MDFIC: variants seen among roughly 807,000 people sequenced by gnomAD.
MDFIC encodes myoD family inhibitor domain-containing protein.
A neutral mutation model predicts 23.2 loss-of-function variants in MDFIC; 17 were observed. That is an observed-to-expected ratio of 0.73 (90% confidence interval 0.50 to 1.10). The LOEUF (loss-of-function observed/expected upper bound fraction) is 1.10. MDFIC is among the 50% of genes least tolerant of loss of function. The pLI is 0.00. For synonymous variants in MDFIC, 120 were observed against 115.2 expected, an observed-to-expected ratio of 1.04 and a Z score of -0.27; for missense variants, 356 against 316.6, an observed-to-expected ratio of 1.12 and a Z score of -0.95.
At chr7:114,984,351 T>C (rs913779295) in intron 4 of MDFIC, among the ~76,000 whole-genome samples, 15 of 152,100 alleles carry the variant, frequency 9.9e-5, no homozygotes, top group Admixed American at 3.3e-4. Flanking sequence ...TGTACAGTGG[T>C]GCCCAACATA....
chr7:114,956,714 GA>G (rs1342161700), intron 3 of MDFIC, among the ~76,000 whole-genome samples: 2 of 152,114 alleles, frequency 1.3e-5, no homozygotes, highest in East Asian at 3.9e-4. Flanking sequence ...AATGAATTTA[GA>G]ATCATTAGGG....
chr7:114,990,395 C>G (rs907436123), intron 4 of MDFIC, among the ~76,000 whole-genome samples: 15 of 151,798 alleles, frequency 9.9e-5, no homozygotes, highest in African/African-American at 3.4e-4. Flanking sequence ...TACATGTGCA[C>G]AACGTGCAGG....
chr7:115,008,324 T>C (rs1395705968), intron 4 of MDFIC, among the ~76,000 whole-genome samples: 1 of 151,846 alleles, frequency 6.6e-6, no homozygotes, highest in Non-Finnish European at 1.5e-5. Flanking sequence ...TAGGTTCTTT[T>C]GACTTTGTTG....
chr7:114,971,165 A>G (rs569426066), intron 3 of MDFIC, among the ~76,000 whole-genome samples: 3 of 152,292 alleles, frequency 2.0e-5, no homozygotes, highest in Non-Finnish European at 4.4e-5. Flanking sequence ...TAACATACAA[A>G]TATATGGACA....
At chr7:114,971,541 G>T (rs1194105632) in intron 3 of MDFIC, among the ~76,000 whole-genome samples, 1 of 152,146 alleles carries the variant, frequency 6.6e-6, no homozygotes, top group African/African-American at 2.4e-5. Context: ...ACCTGAGAGT[G>T]CTGTATGCTT....
At chr7:114,986,995 C>T (rs1793527173) in intron 4 of MDFIC, among the ~76,000 whole-genome samples, 1 of 152,102 alleles carries the variant, frequency 6.6e-6, no homozygotes, top group Non-Finnish European at 1.5e-5. Flanking sequence ...TTTATTACTC[C>T]ATAGACATTG....
At chr7:114,943,195 T>C (rs1334521011) in intron 3 of MDFIC, among the ~76,000 whole-genome samples, 3 of 152,220 alleles carry the variant, frequency 2.0e-5, no homozygotes, top group Non-Finnish European at 4.4e-5. Context: ...AATTTACTTC[T>C]GGGATCAAAT....
intron 2 of MDFIC, among the ~76,000 whole-genome samples, chr7:114,936,540 G>C (rs1792427510): frequency 6.6e-6 from 1 of 152,018 alleles, no homozygotes; most frequent in South Asian, 2.1e-4. Context: ...TAAATGACTT[G>C]ATAGCAGATT....
chr7:115,001,229 G>T (rs1399690562), intron 4 of MDFIC, among the ~76,000 whole-genome samples: 3 of 152,150 alleles, frequency 2.0e-5, no homozygotes, highest in Non-Finnish European at 4.4e-5. Flanking sequence ...GAGAAATCCA[G>T]GAGTTTGGGG....
intron 4 of MDFIC, among the ~76,000 whole-genome samples, chr7:114,985,329 A>G (rs1210060239): frequency 6.6e-6 from 1 of 152,168 alleles, no homozygotes; most frequent in African/African-American, 2.4e-5. Context: ...ATTAAGGTTC[A>G]TAGAGGGGTC....
chr7:114,994,622 T>C (rs932132310), intron 4 of MDFIC, among the ~76,000 whole-genome samples: 29 of 152,366 alleles, frequency 1.9e-4, no homozygotes, highest in Admixed American at 1.9e-3. Flanking sequence ...TTAATTTGGC[T>C]GTATATGAAA....
chr7:114,928,181 G>T (rs1391847363), intron 2 of MDFIC, among the ~76,000 whole-genome samples: 2 of 151,896 alleles, frequency 1.3e-5, no homozygotes, highest in Non-Finnish European at 2.9e-5. Flanking sequence ...TTAAGAAAAA[G>T]AACCAAATGA....
At chr7:114,966,750 T>A (rs911096403) in intron 3 of MDFIC, among the ~76,000 whole-genome samples, 10 of 152,218 alleles carry the variant, frequency 6.6e-5, no homozygotes, top group African/African-American at 2.4e-4. Context: ...TTTTCAAATA[T>A]TGTTTCTGGG....
intron 3 of MDFIC, among the ~76,000 whole-genome samples, chr7:114,950,443 C>T (rs1031063084): frequency 4.0e-5 from 6 of 151,836 alleles, no homozygotes; most frequent in Admixed American, 1.3e-4. Flanking sequence ...TGATGAGCTA[C>T]GGCTATAAAA....
At chr7:114,960,382 G>A (rs1234402840) in intron 3 of MDFIC, among the ~76,000 whole-genome samples, 4 of 152,092 alleles carry the variant, frequency 2.6e-5, no homozygotes, top group African/African-American at 9.7e-5. Context: ...GAGAACCAGG[G>A]AGAAAAGTAG....
intron 2 of MDFIC, among the ~76,000 whole-genome samples, chr7:114,937,251 T>A (rs946706784): frequency 6.6e-6 from 1 of 152,146 alleles, no homozygotes; most frequent in Non-Finnish European, 1.5e-5. Context: ...AACAGGAAAA[T>A]AAAGGGTATT....
intron 2 of MDFIC, among the ~76,000 whole-genome samples, chr7:114,927,202 A>G (rs1442871120): frequency 1.3e-5 from 2 of 152,200 alleles, no homozygotes; most frequent in Admixed American, 6.5e-5. Context: ...TCTGGATGTA[A>G]GAGCCAAGAA....
chr7:115,005,940 A>G (rs1791560912), intron 4 of MDFIC, among the ~76,000 whole-genome samples: 1 of 152,200 alleles, frequency 6.6e-6, no homozygotes, highest in Non-Finnish European at 1.5e-5. Context: ...CACTGCTTTG[A>G]AACGTGCTTT....
At chr7:114,976,290 C>G (rs986172515) in intron 3 of MDFIC, among the ~76,000 whole-genome samples, 2 of 152,062 alleles carry the variant, frequency 1.3e-5, no homozygotes, top group Middle Eastern at 3.2e-3. Context: ...CTCAATCAAG[C>G]TCTCAGATTG....
Sources: allele counts gnomAD v4.1 joint callset (sites outside exome capture counted in the v4.1 genomes callset), GRCh38; gene constraint gnomAD v4.1.1; transcripts MANE v1.5; gene names NCBI Gene and HGNC (gene_info 2026-07-23, HGNC 2026-07-21).